GDA: variants seen among roughly 807,000 people sequenced by gnomAD.
The protein encoded by GDA is guanine deaminase, also known as cytoplasmic PSD-95 interactor.
In GDA, 18 loss-of-function variants were observed where a neutral mutation model predicts 59.6. The ratio of observed to expected loss-of-function variants is 0.30; its 90% CI spans 0.21 to 0.45. GDA has a LOEUF of 0.45. GDA is among the 20% of genes least tolerant of loss of function. The probability of loss-of-function intolerance (pLI) is 1.00; values close to 1 mark genes in which losing one functional copy is unlikely to be tolerated. For synonymous variants in GDA, 201 were observed against 201.1 expected, an observed-to-expected ratio of 1.00 and a Z score of 0.00; for missense variants, 427 against 552.3, an observed-to-expected ratio of 0.77 and a Z score of 2.27.
chr9:72,256,337 G>A (rs1299120662), downstream of GDA, among the ~76,000 whole-genome samples: 1 of 152,114 alleles, frequency 6.6e-6, no homozygotes, highest in Non-Finnish European at 1.5e-5. Context: ...CAGTTCTGAG[G>A]ATTAAAAATA....
rs1840521387 is a variant in GDA at position 72,249,925 on chromosome 9, A to C, written c.*1583A>C. The C allele has an allele frequency of 1.0e-6, 1 of 954,592 alleles. No homozygotes were observed. The allele number at this position is 954,592 out of a possible 1,614,324, so 59.1% of individuals were successfully genotyped here. On this transcript the variant is annotated 3_prime_UTR_variant, in exon 14 of 14. Transcript: ENST00000358399. ...AGTAATTGGCCCAGTTTTTTCCCTA[A>C]TAGAAATACTTTTAGATTTGATTAT...
intron 1 of GDA, among the ~76,000 whole-genome samples, chr9:72,125,117 C>T (rs182262537): frequency 1.4e-3 from 220 of 152,214 alleles, no homozygotes; most frequent in Non-Finnish European, 2.7e-3. Context: ...TTACCAGTCT[C>T]CTTTGCAGTG....
intron 3 of GDA, among the ~76,000 whole-genome samples, chr9:72,205,146 A>G (rs930173139): frequency 4.0e-5 from 6 of 151,254 alleles, no homozygotes; most frequent in African/African-American, 1.5e-4. Flanking sequence ...CGGAGCACAT[A>G]TCCTATGTTC....
intron 1 of GDA, among the ~76,000 whole-genome samples, chr9:72,133,287 T>TAAA (rs1257876460): frequency 1.1e-3 from 104 of 95,498 alleles, no homozygotes; most frequent in Admixed American, 1.9e-3. Flanking sequence ...AGACTCTGTC[T>TAAA]AAAAAAAAAA....
chr9:72,248,649 C>G lies in GDA; in HGVS notation c.*307C>G. ...TTCCTACGGTAAGACTTAAGCAAAG[C>G]CTTTTTCATATTTGAAAATGTGGAA... On this transcript the variant is annotated 3_prime_UTR_variant, in exon 14 of 14. Transcript: ENST00000358399. 1 of 1,071,982 alleles carries G rather than the reference C, an allele frequency of 9.3e-7. No individual in the cohort carries two copies. The allele number at this position is 1,071,982 out of a possible 1,614,324, so 66.4% of individuals were successfully genotyped here.
chr9:72,148,864 T>C (rs1826816153), upstream of GDA, among the ~76,000 whole-genome samples: 1 of 152,214 alleles, frequency 6.6e-6, no homozygotes, highest in African/African-American at 2.4e-5. Context: ...AGAGATTCAT[T>C]CATTTTACAC....
rs79900083 is a variant in GDA, at chr9:72,220,611, C to A, written c.606+1105C>A. On this transcript the variant is annotated intron_variant, in intron 6 of 13. Coordinates refer to ENST00000358399, the MANE Select transcript of GDA (RefSeq NM_004293.5). ...CTTCCTCAGTGGTTTTCCTTACCCC[C>A]CTCTGGGATCTTCTGATTTCACAGG... 4.4e-3 allele frequency among the ~76,000 whole-genome samples: 675 copies of A among 152,180 alleles called. 5 individuals are homozygous for A. The highest frequency in any genetic ancestry group is 0.014 in the African/African-American group (602 of 41,518).
intron 1 of GDA, among the ~76,000 whole-genome samples, chr9:72,174,599 G>T (rs933665394): frequency 6.6e-6 from 1 of 152,098 alleles, no homozygotes; most frequent in African/African-American, 2.4e-5. Context: ...TATGAGGATC[G>T]TTAATTGGGA....
At chr9:72,143,668 G>A (rs1473417939) in intron 1 of GDA, among the ~76,000 whole-genome samples, 1 of 152,074 alleles carries the variant, frequency 6.6e-6, no homozygotes, top group Non-Finnish European at 1.5e-5. Context: ...TAAAATTCAG[G>A]TAAAATGTAT....
In GDA at chr9:72,175,027, G is replaced by A. The variant is rs568972410; in HGVS notation, c.124-20473G>A. Among the ~76,000 whole-genome samples, 5 of 152,184 alleles carry A rather than the reference G, an allele frequency of 3.3e-5. No individual in the cohort carries two copies. The East Asian group carries it at 9.7e-4, about 29-fold the overall frequency. ...AGCCGAGAGAGCAAAGGCAGAGGGA[G>A]GAGCAAGGTATAGGATGGCTGCAGT... On this transcript the variant is annotated intron_variant, in intron 1 of 13. Transcript: ENST00000358399.
intron 5 of GDA, chr9:72,214,934 A>G: frequency 5.3e-6 from 1 of 188,324 alleles, no homozygotes; most frequent in Non-Finnish European, 1.1e-5. Flanking sequence ...TGGTTTCACC[A>G]GGTTGGCCAG....
chr9:72,122,658 C>CAT (rs1427141060), intron 1 of GDA, among the ~76,000 whole-genome samples: 1 of 151,842 alleles, frequency 6.6e-6, no homozygotes, highest in East Asian at 1.9e-4. Context: ...CACACACACA[C>CAT]ACACACAGAC....
intron 8 of GDA, among the ~76,000 whole-genome samples, chr9:72,226,276 A>T (rs1587722268): frequency 6.6e-6 from 1 of 152,218 alleles, no homozygotes; most frequent in African/African-American, 2.4e-5. Flanking sequence ...GAGCATACAT[A>T]GGATTTTATC....
chr9:72,179,772 G>A (rs779723428), intron 1 of GDA, among the ~76,000 whole-genome samples: 8 of 152,288 alleles, frequency 5.3e-5, no homozygotes, highest in Admixed American at 6.5e-5. Flanking sequence ...TTGAGAGAAG[G>A]ATCTGTTCCA....
At chr9:72,142,127 G>A (rs935324497) in intron 1 of GDA, among the ~76,000 whole-genome samples, 23 of 152,066 alleles carry the variant, frequency 1.5e-4, no homozygotes, top group African/African-American at 4.6e-4. Flanking sequence ...ATGTGAACTC[G>A]ACATGCTAGA....
intron 11 of GDA, among the ~76,000 whole-genome samples, chr9:72,243,999 C>T (rs1839891713): frequency 6.6e-6 from 1 of 151,976 alleles, no homozygotes; most frequent in South Asian, 2.1e-4. Flanking sequence ...CACGGTGAAA[C>T]CCCATCTCTA....
intron 11 of GDA, among the ~76,000 whole-genome samples, chr9:72,243,957 C>T (rs187949529): frequency 1.7e-3 from 256 of 152,134 alleles, no homozygotes; most frequent in African/African-American, 5.8e-3. Flanking sequence ...GGGCAGTTCG[C>T]GAGGTTAGGA....
chr9:72,228,136 C>T (rs940338051), intron 9 of GDA, 96 bp downstream of exon 9: 22 of 733,880 alleles, frequency 3.0e-5, no homozygotes, highest in Non-Finnish European at 5.1e-5. Flanking sequence ...TCCAGGATCT[C>T]CCCTCTATTC....
chr9:72,241,206 T>C lies in GDA; in HGVS notation c.1043T>C (p.Met348Thr). 6.2e-7 allele frequency: 1 copy of C among 1,610,638 alleles called. No individual in the cohort carries two copies. The change falls in exon 11 of 14, where the codon ATG becomes ACG. Residue 348 changes from methionine to threonine, a missense_variant. Met to Thr is a moderately conservative substitution (Grantham distance 81). Transcript: ENST00000358399. ...CTTGATGCAATCAGAAGAGCAGTGA[T>C]GGTTTCCAATATCCTTTTAATTAAT... is the stretch of plus-strand genomic sequence containing the variant. Reference protein sequence around the residue: ...SMLDAIRRAVMVSNILLINKV... With the variant: ...SMLDAIRRAVTVSNILLINKV...
Sources: allele counts gnomAD v4.1 joint callset (sites outside exome capture counted in the v4.1 genomes callset), GRCh38; gene constraint gnomAD v4.1.1; transcripts MANE v1.5; gene names NCBI Gene and HGNC (gene_info 2026-07-23, HGNC 2026-07-21).